The following MTREX variants were observed in gnomAD, a reference collection of about 807,000 sequenced individuals.
MTREX encodes the protein exosome RNA helicase MTR4.
Under a neutral mutation model 135.4 loss-of-function variants are expected in MTREX, and 76 were observed. That is an observed-to-expected ratio of 0.56 (90% CI 0.47 to 0.68). The LOEUF (loss-of-function observed/expected upper bound fraction) is 0.68, where lower values mean the gene tolerates loss of function less well. Among genes scored for constraint, MTREX ranks in the 30% least tolerant of loss-of-function variants. MTREX has a pLI of 0.00. For missense variants in MTREX, 920 were observed against 1,262.1 expected (o/e 0.73, Z 4.11); for synonymous variants, 404 against 401.6 (o/e 1.01, Z -0.07).
At chr5:55,380,972 C>G (rs1476072188) in intron 18 of MTREX, among the ~76,000 whole-genome samples, 6 of 152,102 alleles carry the variant, frequency 3.9e-5, no homozygotes. Flanking sequence ...GGCCTGTGCT[C>G]TTCTTTATGG....
intron 19 of MTREX, among the ~76,000 whole-genome samples, chr5:55,393,676 C>T (rs1007340733): frequency 1.3e-5 from 2 of 152,142 alleles, no homozygotes; most frequent in African/African-American, 4.8e-5. Context: ...AGCAAGTTTC[C>T]ACTGATTGCT....
At chr5:55,349,737 A>G (rs777580438) in intron 12 of MTREX, 85 bp downstream of exon 12, 20 of 759,414 alleles carry the variant, frequency 2.6e-5, no homozygotes, top group Non-Finnish European at 4.2e-5. Flanking sequence ...TTATTACTCT[A>G]TTGCACTTTT....
intron 12 of MTREX, among the ~76,000 whole-genome samples, chr5:55,350,145 T>C (rs1455585626): frequency 6.6e-6 from 1 of 151,462 alleles, no homozygotes; most frequent in African/African-American, 2.4e-5. Context: ...ATGTACATTC[T>C]GGACATCAGA....
intron 21 of MTREX, 83 bp from the exon 22 acceptor site, chr5:55,405,342 T>A (rs1750785227): frequency 1.6e-6 from 2 of 1,216,008 alleles, no homozygotes; most frequent in Admixed American, 4.5e-5. Flanking sequence ...TTAAAAATAT[T>A]TTTTGTTTGA....
In MTREX at chr5:55,325,824, T is replaced by A. The variant is rs375397104; in HGVS notation, c.339+1626T>A. The stretch of plus-strand genomic sequence containing the variant: ...AGTGTCTGTTGTTCTTATCTTTATG[T>A]CCATGTGTACCCTATGTTTAGCTCT... On this transcript the variant is annotated intron_variant, in intron 3 of 26. Coordinates refer to ENST00000230640, the MANE Select transcript of MTREX (RefSeq NM_015360.5). Among the ~76,000 whole-genome samples the A allele has an allele frequency of 9.2e-5, 14 of 152,322 alleles. No individual in the cohort carries two copies. The South Asian group carries it at 1.9e-3, about 20-fold the overall frequency.
At position 55,340,117 on chromosome 5, in the gene MTREX, A is replaced by G; in HGVS notation, c.623A>G (p.Asp208Gly). The G allele has an allele frequency of 1.2e-6, 2 of 1,604,778 alleles. No individual in the cohort carries two copies. Among genetic ancestry groups the G allele is most frequent in the Non-Finnish European group, 1.7e-6 (2 of 1,175,602 alleles). ...KYREMYEEFQDVGLMTGDVTI... is the reference protein window; with the variant it reads ...KYREMYEEFQGVGLMTGDVTI... ...CGTGAAATGTATGAAGAATTTCAAG[A>G]TGTTGGTTTGATGACTGGTGATGTT... The change falls in exon 6 of 27, where the codon GAT becomes GGT. Residue 208 changes from aspartate (D) to glycine (G), a missense_variant. This residue lies in a region of MTREX where 88 missense variants were observed against 202.5 expected (regional missense o/e 0.43). Coordinates refer to ENST00000230640, the MANE Select transcript of MTREX (RefSeq NM_015360.5).
chr5:55,418,202 C>T (rs1375047875), intron 25 of MTREX, among the ~76,000 whole-genome samples: 4 of 146,488 alleles, frequency 2.7e-5, no homozygotes, highest in Non-Finnish European at 6.0e-5. Context: ...CCACTGCACT[C>T]CAGCCTGGGT....
chr5:55,326,631 C>T (rs2112037332), intron 3 of MTREX, among the ~76,000 whole-genome samples: 1 of 152,216 alleles, frequency 6.6e-6, no homozygotes, highest in Middle Eastern at 3.4e-3. Context: ...CCCTTCCAGA[C>T]TAAGGATGGT....
intron 15 of MTREX, among the ~76,000 whole-genome samples, chr5:55,361,873 G>A (rs1471531282): frequency 2.0e-5 from 3 of 151,728 alleles, no homozygotes; most frequent in South Asian, 2.1e-4. Context: ...GATTACGGGC[G>A]TGAGCCACCA....
intron 21 of MTREX, among the ~76,000 whole-genome samples, chr5:55,401,224 G>A (rs996392229): frequency 1.3e-5 from 2 of 152,232 alleles, no homozygotes; most frequent in African/African-American, 2.4e-5. Flanking sequence ...TATTAGAGAC[G>A]GGGTTTCGCC....
intron 18 of MTREX, among the ~76,000 whole-genome samples, chr5:55,382,418 G>A (rs1323385059): frequency 1.3e-5 from 2 of 151,970 alleles, no homozygotes; most frequent in East Asian, 3.8e-4. Flanking sequence ...ATTAGAATAA[G>A]CTTTAGGTTT....
intron 5 of MTREX, among the ~76,000 whole-genome samples, chr5:55,333,003 A>T (rs1357567866): frequency 1.3e-5 from 2 of 151,592 alleles, no homozygotes; most frequent in Non-Finnish European, 2.9e-5. Flanking sequence ...TTGTCATTAT[A>T]GGTTATATTT....
At chr5:55,393,809 TG>T (rs960288432) in intron 19 of MTREX, among the ~76,000 whole-genome samples, 4 of 152,240 alleles carry the variant, frequency 2.6e-5, no homozygotes, top group African/African-American at 9.6e-5. Flanking sequence ...AATATTATGA[TG>T]TTTTTAAATA....
chr5:55,415,127 G>A (rs914880332), intron 24 of MTREX, among the ~76,000 whole-genome samples: 6 of 151,508 alleles, frequency 4.0e-5, no homozygotes, highest in Middle Eastern at 3.2e-3. Context: ...TACAAGAGAG[G>A]AACAAAAAAA....
At chr5:55,371,098 T>C (rs1416982919) in intron 16 of MTREX, among the ~76,000 whole-genome samples, 1 of 152,208 alleles carries the variant, frequency 6.6e-6, no homozygotes, top group Non-Finnish European at 1.5e-5. Context: ...GTTTCATTAA[T>C]AATGCCAGTG....
intron 10 of MTREX, among the ~76,000 whole-genome samples, chr5:55,345,538 C>T (rs1479657157): frequency 1.3e-5 from 2 of 152,128 alleles, no homozygotes. Flanking sequence ...CCCTTCTCAT[C>T]CCGCAGACTT....
intron 16 of MTREX, among the ~76,000 whole-genome samples, chr5:55,370,429 A>G (rs921033603): frequency 1.3e-5 from 2 of 151,944 alleles, no homozygotes; most frequent in Non-Finnish European, 1.5e-5. Flanking sequence ...TGTTTTTTCA[A>G]TGTGGTTCTG....
intron 1 of MTREX, among the ~76,000 whole-genome samples, chr5:55,314,644 T>C (rs940981570): frequency 2.0e-5 from 3 of 152,224 alleles, no homozygotes; most frequent in Non-Finnish European, 4.4e-5. Flanking sequence ...ACCCTAGTTT[T>C]GGTCTTGTAA....
chr5:55,327,377 TTTCTGTTCTATGTTGTTTTCTA>T (rs1749399814), intron 3 of MTREX, among the ~76,000 whole-genome samples: 2 of 152,236 alleles, frequency 1.3e-5, no homozygotes, highest in Admixed American at 6.5e-5. Context: ...AAAGTTTCTC[TTTCTGTTCTATGTTGTTTTCTA>T]CCCACTGTGT....
Sources: gnomAD v4.1 joint callset for allele counts (sites outside exome capture counted in the v4.1 genomes callset) on GRCh38, gnomAD v4.1.1 for gene constraint, gnomAD v4.1.1 regional missense constraint, MANE v1.5 for transcripts, NCBI Gene and HGNC (gene_info 2026-07-23, HGNC 2026-07-21) for gene names.